MBNL2: variants seen among roughly 807,000 people sequenced by gnomAD.
The protein encoded by MBNL2 is muscleblind like splicing regulator 2.
Under a neutral mutation model 41.9 loss-of-function variants are expected in MBNL2, and 17 were observed. The ratio of observed to expected loss-of-function variants is 0.41; its 90% CI spans 0.28 to 0.61. MBNL2 has a LOEUF of 0.61. MBNL2 is among the 20% of genes least tolerant of loss of function. The pLI, the probability that MBNL2 is intolerant of heterozygous loss-of-function variation, is 0.35. For missense variants in MBNL2, 336 were observed against 505.6 expected (o/e 0.66, Z 3.22); for synonymous variants, 195 against 182.9 (o/e 1.07, Z -0.53).
At position 97,346,761 on chromosome 13, in the gene MBNL2, C is replaced by T. The variant is rs557670040; in HGVS notation, c.541-43C>T. The stretch of plus-strand genomic sequence containing the variant: ...GGCCGGGGCCGCAGGGGCGCCTGGG[C>T]TCAGGCTTGCCTCTGCAGCGCGGCT... On this transcript the variant is annotated intron_variant, in intron 4 of 8. Coordinates refer to ENST00000679496, the MANE Select transcript of MBNL2 (RefSeq NM_001382683.1). This position sits in a 1 kb window ranked among gnomAD's most constrained non-coding sequence, Gnocchi z 4.2. The T allele has an allele frequency of 1.4e-5, 22 of 1,588,668 alleles. No homozygotes were observed. The highest frequency in any genetic ancestry group is 1.7e-4 in the Middle Eastern group (1 of 5,918).
At position 97,343,231 on chromosome 13, in the gene MBNL2, CTTGTGTT is replaced by C; in HGVS notation, c.540+19_540+25del. ...ACAAACTGGAGGTACTTCAATTCTA[CTTGTGTT>C]TTGACATGCATTTGTGGTAGAAATA... is the stretch of plus-strand genomic sequence containing the variant. On this transcript the variant is annotated intron_variant, in intron 4 of 8. Coordinates refer to ENST00000679496, the MANE Select transcript of MBNL2 (RefSeq NM_001382683.1). 6.4e-7 allele frequency: 1 copy of C among 1,569,700 alleles called. No homozygotes were observed. Among genetic ancestry groups the C allele is most frequent in the Non-Finnish European group, 8.7e-7 (1 of 1,150,710 alleles).
intron 1 of MBNL2, among the ~76,000 whole-genome samples, chr13:97,264,013 C>CTTTTTTTTT (rs71117637): frequency 7.4e-6 from 1 of 135,122 alleles, no homozygotes; most frequent in Non-Finnish European, 1.6e-5. Flanking sequence ...TATTCTTTTT[C>CTTTTTTTTT]TTTTTTTTTT....
intron 4 of MBNL2, 28 bp downstream of exon 4, chr13:97,343,244 A>G: frequency 6.6e-7 from 1 of 1,504,640 alleles, no homozygotes; most frequent in Non-Finnish European, 9.1e-7. Flanking sequence ...GTGTTTTGAC[A>G]TGCATTTGTG....
At chr13:97,205,757 T>A in the MBNL2 span, among the ~76,000 whole-genome samples, 1 of 152,220 alleles carries the variant, frequency 6.6e-6, no homozygotes, top group Non-Finnish European at 1.5e-5. Flanking sequence ...ATTAATGTTG[T>A]TGATTTACAT....
At chr13:97,289,583 A>C (rs2055395392) in intron 2 of MBNL2, among the ~76,000 whole-genome samples, 1 of 152,212 alleles carries the variant, frequency 6.6e-6, no homozygotes, top group Admixed American at 6.5e-5. Flanking sequence ...GTCAAGGAGA[A>C]AGACATTTCA....
At chr13:97,241,574 A>G (rs1429259080) in intron 1 of MBNL2, among the ~76,000 whole-genome samples, 1 of 152,236 alleles carries the variant, frequency 6.6e-6, no homozygotes, top group South Asian at 2.1e-4. Context: ...CAGAGCACTG[A>G]TTAAAATCCA....
At chr13:97,287,939 G>GTTTTTTTTTTT (rs139487015) in intron 2 of MBNL2, among the ~76,000 whole-genome samples, 1 of 114,094 alleles carries the variant, frequency 8.8e-6, no homozygotes, top group East Asian at 2.3e-4. Flanking sequence ...GTTTTGTTTT[G>GTTTTTTTTTTT]TTTTTTTTTT....
chr13:97,186,882 C>A, the MBNL2 span, among the ~76,000 whole-genome samples: 10,592 of 152,206 alleles, frequency 0.07, 605 homozygotes, highest in African/African-American at 0.16. Flanking sequence ...ACACGTGACA[C>A]CTCCAGTGCT....
the MBNL2 span, among the ~76,000 whole-genome samples, chr13:97,164,292 G>A: frequency 6.6e-6 from 1 of 152,240 alleles, no homozygotes; most frequent in Non-Finnish European, 1.5e-5. Flanking sequence ...ACAGGCATGA[G>A]CCACCGCACC....
the MBNL2 span, among the ~76,000 whole-genome samples, chr13:97,203,174 C>A: frequency 6.6e-6 from 1 of 152,096 alleles, no homozygotes; most frequent in South Asian, 2.1e-4. Context: ...ATAATATAGA[C>A]CATTTGCAAA....
the MBNL2 span, among the ~76,000 whole-genome samples, chr13:97,209,742 G>T: frequency 5.9e-5 from 9 of 151,920 alleles, no homozygotes; most frequent in Admixed American, 5.9e-4. Flanking sequence ...CTTTTTGTTT[G>T]GCTATTGTCA....
the MBNL2 span, among the ~76,000 whole-genome samples, chr13:97,185,947 ACTG>A: frequency 6.6e-6 from 1 of 152,150 alleles, no homozygotes; most frequent in Non-Finnish European, 1.5e-5. Flanking sequence ...CCGGCATTCC[ACTG>A]CTTCTCTTCA....
the MBNL2 span, among the ~76,000 whole-genome samples, chr13:97,208,237 G>A: frequency 1.3e-5 from 2 of 152,352 alleles, no homozygotes; most frequent in African/African-American, 4.8e-5. Context: ...TCCCACATAA[G>A]CCCAAAGGGG....
intron 8 of MBNL2, among the ~76,000 whole-genome samples, chr13:97,389,622 C>T (rs2066233492): frequency 6.6e-6 from 1 of 151,848 alleles, no homozygotes; most frequent in Non-Finnish European, 1.5e-5. Context: ...GGGAGGATTG[C>T]TTGAGGCCAG....
the MBNL2 span, among the ~76,000 whole-genome samples, chr13:97,186,104 T>A: frequency 6.6e-6 from 1 of 152,208 alleles, no homozygotes; most frequent in East Asian, 1.9e-4. Flanking sequence ...CCTTAATACC[T>A]GGGATTCTAG....
At chr13:97,371,915 G>A (rs770809290) in intron 8 of MBNL2, among the ~76,000 whole-genome samples, 32 of 152,196 alleles carry the variant, frequency 2.1e-4, no homozygotes, top group African/African-American at 2.4e-5. Context: ...CTCGCTGTTT[G>A]GACACATGCA....
rs1317150728 is a variant in MBNL2, at chr13:97,249,818, C to T, written c.-604-25814C>T. Among the ~76,000 whole-genome samples, 7 of 152,216 alleles carry T rather than the reference C, an allele frequency of 4.6e-5. No homozygotes were observed. The East Asian group carries it at 1.3e-3, about 29-fold the overall frequency. ...CTGTTTTGAGTATTAGGTTTCCCCC[C>T]TCAAAGTTCTATAGACATATTTCTA... is the stretch of plus-strand genomic sequence containing the variant. On this transcript the variant is annotated intron_variant, in intron 1 of 8. Transcript: ENST00000679496.
the MBNL2 span, among the ~76,000 whole-genome samples, chr13:97,207,557 C>T: frequency 1.6e-4 from 24 of 152,234 alleles, no homozygotes; most frequent in South Asian, 4.2e-4. Context: ...GAGAACAGCA[C>T]GGGAAAGACT....
At chr13:97,367,852 G>T (rs2063989663) in intron 8 of MBNL2, among the ~76,000 whole-genome samples, 1 of 152,108 alleles carries the variant, frequency 6.6e-6, no homozygotes, top group Non-Finnish European at 1.5e-5. Context: ...AACCAACCCA[G>T]CTTCGAAACA....
Sources: allele counts gnomAD v4.1 joint callset (sites outside exome capture counted in the v4.1 genomes callset), GRCh38; gene constraint gnomAD v4.1.1; non-coding constraint Gnocchi (gnomAD v3.1); transcripts MANE v1.5; gene names NCBI Gene and HGNC (gene_info 2026-07-23, HGNC 2026-07-21).